The following PIK3CB variants were observed in gnomAD, a reference collection of about 807,000 sequenced individuals.
PIK3CB encodes the protein phosphatidylinositol-4,5-bisphosphate 3-kinase catalytic subunit beta, also known as phosphatidylinositol 4,5-bisphosphate 3-kinase catalytic subunit beta isoform.
In PIK3CB, 39 loss-of-function variants were observed where a neutral mutation model predicts 136.8. The observed-to-expected ratio is 0.29, with a 90% CI of 0.22 to 0.37. The LOEUF is 0.37. Ranked by LOEUF, PIK3CB falls within the 10% of genes least tolerant of loss-of-function variation. The probability of loss-of-function intolerance (pLI) is 1.00; values close to 1 mark genes in which losing one functional copy is unlikely to be tolerated. For synonymous variants in PIK3CB, 428 were observed against 436.6 expected (o/e 0.98, Z 0.25); for missense variants, 868 against 1,275.4 (o/e 0.68, Z 4.87).
intron 14 of PIK3CB, among the ~76,000 whole-genome samples, chr3:138,693,956 TATATATATATTATA>T (rs1358248041): frequency 1.1e-4 from 4 of 35,940 alleles, no homozygotes; most frequent in Non-Finnish European, 1.7e-4. Context: ...TATATATATA[TATATATATATTATA>T]TATATATATA....
chr3:138,660,824 G>A (rs2043282796), intron 21 of PIK3CB, among the ~76,000 whole-genome samples: 1 of 152,070 alleles, frequency 6.6e-6, no homozygotes, highest in African/African-American at 2.4e-5. Context: ...TTCAATTTTT[G>A]TCATTTTTTA....
intron 4 of PIK3CB, among the ~76,000 whole-genome samples, chr3:138,751,516 T>G (rs532016910): frequency 2.6e-5 from 4 of 152,174 alleles, no homozygotes; most frequent in Non-Finnish European, 5.9e-5. Flanking sequence ...GTAATTTAAT[T>G]TTAAACCTAG....
intron 1 of PIK3CB, among the ~76,000 whole-genome samples, chr3:138,819,859 C>T (rs1169013419): frequency 1.3e-5 from 2 of 152,128 alleles, no homozygotes; most frequent in Non-Finnish European, 2.9e-5. Flanking sequence ...TCTGTAGTCT[C>T]GGGCTACTTG....
At chr3:138,768,032 C>T (rs1200854094) in intron 2 of PIK3CB, among the ~76,000 whole-genome samples, 2 of 152,324 alleles carry the variant, frequency 1.3e-5, no homozygotes, top group Admixed American at 1.3e-4. Flanking sequence ...GGAGGGTGAG[C>T]AAGACAAAGA....
At chr3:138,808,353 G>A (rs540923741) in intron 1 of PIK3CB, among the ~76,000 whole-genome samples, 49 of 152,148 alleles carry the variant, frequency 3.2e-4, no homozygotes, top group African/African-American at 1.1e-3. Flanking sequence ...TTAGAAGGCC[G>A]GGTGCAGTGG....
intron 8 of PIK3CB, among the ~76,000 whole-genome samples, chr3:138,720,646 C>T (rs2044705979): frequency 6.6e-6 from 1 of 152,168 alleles, no homozygotes; most frequent in Non-Finnish European, 1.5e-5. Context: ...GCAGGCAGAT[C>T]CCTTGAGCGC....
At chr3:138,833,999 T>C (rs1180324319) in intron 1 of PIK3CB, among the ~76,000 whole-genome samples, 1 of 152,178 alleles carries the variant, frequency 6.6e-6, no homozygotes, top group Non-Finnish European at 1.5e-5. Flanking sequence ...GCAACTCCAG[T>C]ATCGGTTACT....
chr3:138,672,768 C>T (rs1008335832), intron 19 of PIK3CB, among the ~76,000 whole-genome samples: 4 of 151,606 alleles, frequency 2.6e-5, no homozygotes, highest in Non-Finnish European at 5.9e-5. Flanking sequence ...AAAAATTAGC[C>T]GGGCGTGGTG....
At chr3:138,772,770 G>A (rs114058761) in intron 2 of PIK3CB, among the ~76,000 whole-genome samples, 2,609 of 147,022 alleles carry the variant, frequency 0.018, 34 homozygotes, top group Middle Eastern at 0.036. Context: ...CAAAGCACCC[G>A]GCTATTTATT....
intron 8 of PIK3CB, among the ~76,000 whole-genome samples, chr3:138,716,164 T>C (rs1312882593): frequency 2.0e-5 from 3 of 152,206 alleles, no homozygotes; most frequent in African/African-American, 4.8e-5. Flanking sequence ...ATACTAAAAG[T>C]AGTTGCAGTA....
At chr3:138,815,151 AAAAAAAAAAAAAT>A (rs1232221325) in intron 1 of PIK3CB, among the ~76,000 whole-genome samples, 1 of 118,524 alleles carries the variant, frequency 8.4e-6, no homozygotes, top group Non-Finnish European at 1.8e-5. Flanking sequence ...AAAAAAAAAA[AAAAAAAAAAAAAT>A]ATATATATAT....
intron 1 of PIK3CB, among the ~76,000 whole-genome samples, chr3:138,803,371 T>C (rs1292152914): frequency 6.6e-6 from 1 of 152,202 alleles, no homozygotes; most frequent in Non-Finnish European, 1.5e-5. Flanking sequence ...TTTTCCTGTC[T>C]TTATTTGCAT....
chr3:138,699,480 G>A (rs2044204026), intron 12 of PIK3CB, among the ~76,000 whole-genome samples: 2 of 151,390 alleles, frequency 1.3e-5, no homozygotes, highest in Non-Finnish European at 2.9e-5. Context: ...GTGAAAACCC[G>A]TCTTTACAAA....
chr3:138,759,258 G>A lies in PIK3CB; in HGVS notation c.86C>T (p.Ser29Phe), dbSNP rs1328338753. 1 of 1,613,094 alleles carries A rather than the reference G, an allele frequency of 6.2e-7. No homozygotes were observed. Among genetic ancestry groups the A allele is most frequent in the East Asian group, 2.2e-5 (1 of 44,874 alleles). ...AVDSQIASDG[S>F]IPVDFLLPTG... ...GGGCAAAAGGAAATCCACAGGTATG[G>A]AGCCATCAGATGCTATCTGTGAATC... Residue 29 changes from serine (S) to phenylalanine (F), a missense_variant, in exon 3 of 24, where the codon TCC becomes TTC. By Grantham distance (155) the Ser-to-Phe change is radical (BLOSUM62 -2). This residue lies in a region of PIK3CB where 612 missense variants were observed against 801.1 expected (regional missense o/e 0.76). Coordinates refer to ENST00000674063, the MANE Select transcript of PIK3CB (RefSeq NM_006219.3).
chr3:138,799,988 T>C (rs1408320604), intron 1 of PIK3CB, among the ~76,000 whole-genome samples: 1 of 152,136 alleles, frequency 6.6e-6, no homozygotes, highest in Non-Finnish European at 1.5e-5. Context: ...TCTGACCTCA[T>C]CTGCTTTCCT....
chr3:138,732,316 C>G (rs993049906), intron 8 of PIK3CB, among the ~76,000 whole-genome samples: 1 of 152,104 alleles, frequency 6.6e-6, no homozygotes, highest in Non-Finnish European at 1.5e-5. Flanking sequence ...CAAATTATTT[C>G]TCTCAACTTT....
chr3:138,813,538 C>A (rs1423179812), intron 1 of PIK3CB, among the ~76,000 whole-genome samples: 1 of 151,720 alleles, frequency 6.6e-6, no homozygotes. Flanking sequence ...CTGCCTCAGC[C>A]TCCCGAGTAG....
At chr3:138,683,920 A>G in intron 17 of PIK3CB, 133 bp from the exon 18 acceptor site, 1 of 605,226 alleles carries the variant, frequency 1.7e-6, no homozygotes, top group East Asian at 2.8e-5. Flanking sequence ...CAGACTTAGA[A>G]GAGTCCCACT....
chr3:138,763,384 G>A (rs369231961), intron 2 of PIK3CB, among the ~76,000 whole-genome samples: 12 of 152,136 alleles, frequency 7.9e-5, no homozygotes, highest in African/African-American at 2.6e-4. Context: ...TGATCCACCC[G>A]CCTCGGCCTC....
Sources: allele counts gnomAD v4.1 joint callset (sites outside exome capture counted in the v4.1 genomes callset), GRCh38; gene constraint gnomAD v4.1.1; regional missense constraint gnomAD v4.1.1; transcripts MANE v1.5; gene names NCBI Gene and HGNC (gene_info 2026-07-23, HGNC 2026-07-21).